CACNG3: variants seen among roughly 807,000 people sequenced by gnomAD.
CACNG3 encodes calcium voltage-gated channel auxiliary subunit gamma 3.
CACNG3 carries 3 observed loss-of-function variants against 28.5 expected under a neutral mutation model. The observed-to-expected ratio is 0.11, with a 90% CI of 0.05 to 0.27. The LOEUF (loss-of-function observed/expected upper bound fraction) is 0.27. CACNG3 is among the 10% of genes least tolerant of loss of function. CACNG3 has a pLI of 1.00. For synonymous variants in CACNG3, 174 were observed against 162.2 expected (o/e 1.07, Z -0.55); for missense variants, 236 against 414.4 (o/e 0.57, Z 3.74).
intron 1 of CACNG3, among the ~76,000 whole-genome samples, chr16:24,271,555 G>T (rs1388527907): frequency 6.6e-6 from 1 of 152,144 alleles, no homozygotes; most frequent in Non-Finnish European, 1.5e-5. Context: ...TCAGCCTGGA[G>T]ATCCAACAAG....
chr16:24,284,824 C>G (rs918966595), intron 1 of CACNG3, among the ~76,000 whole-genome samples: 2 of 152,222 alleles, frequency 1.3e-5, no homozygotes, highest in East Asian at 1.9e-4. Context: ...AGTCACTAGA[C>G]CTCGCAGATA....
At chr16:24,307,135 T>TTGTTG (rs1301788963) in intron 1 of CACNG3, among the ~76,000 whole-genome samples, 1 of 152,076 alleles carries the variant, frequency 6.6e-6, no homozygotes, top group Admixed American at 6.6e-5. Context: ...GCTGTTGTTG[T>TTGTTG]TGTTGTGTTG....
At chr16:24,316,731 G>A (rs1899357289) in intron 1 of CACNG3, among the ~76,000 whole-genome samples, 2 of 152,192 alleles carry the variant, frequency 1.3e-5, no homozygotes, top group South Asian at 4.1e-4. Flanking sequence ...CCCACCCTTG[G>A]CTCCTGGAAG....
intron 1 of CACNG3, among the ~76,000 whole-genome samples, chr16:24,336,162 T>C (rs985010120): frequency 1.3e-5 from 2 of 150,360 alleles, no homozygotes; most frequent in Admixed American, 6.6e-5. Flanking sequence ...GAGGCGGAGG[T>C]TGCAGTGAGC....
chr16:24,300,298 G>C (rs754925037), intron 1 of CACNG3, among the ~76,000 whole-genome samples: 9 of 152,074 alleles, frequency 5.9e-5, no homozygotes, highest in African/African-American at 9.7e-5. Context: ...TCTCGAATCT[G>C]TACACAGGGG....
chr16:24,328,873 A>C (rs1899595318), intron 1 of CACNG3, among the ~76,000 whole-genome samples: 1 of 152,116 alleles, frequency 6.6e-6, no homozygotes. Flanking sequence ...CACCTCTGAT[A>C]ACCTGGGATG....
intron 3 of CACNG3, among the ~76,000 whole-genome samples, chr16:24,357,990 C>T (rs1479307529): frequency 1.3e-5 from 2 of 152,168 alleles, no homozygotes; most frequent in African/African-American, 4.8e-5. Context: ...AAGGCAGAGG[C>T]TTGGGGTCTA....
chr16:24,317,648 A>AAAGGAAAAG lies in CACNG3; in HGVS notation c.212-29084_212-29083insGGAAAAGAA, dbSNP rs1491194402. On this transcript the variant is annotated intron_variant, in intron 1 of 3. Transcript: ENST00000005284. The stretch of plus-strand genomic sequence containing the variant: ...AAAGACAGACAGAAAGAAAGAAAAG[A>AAAGGAAAAG]AAAGAAAGAAAGAAAGAAAGAAAGA... 9.5e-4 allele frequency among the ~76,000 whole-genome samples: 53 copies of AAAGGAAAAG among 55,734 alleles called. 1 individual carries two copies. Among genetic ancestry groups the AAAGGAAAAG allele is most frequent in the Middle Eastern group, 8.1e-3 (1 of 124 alleles). 36.6% of individuals were successfully genotyped at this position (55,734 alleles called of 152,430 possible). A position where few individuals can be genotyped will look rare whatever the true frequency, so the allele number is the denominator to read the frequency against.
At chr16:24,351,883 G>C (rs183489533) in intron 2 of CACNG3, among the ~76,000 whole-genome samples, 1 of 138,834 alleles carries the variant, frequency 7.2e-6, no homozygotes, top group Non-Finnish European at 1.5e-5. Context: ...CGCGATCTCG[G>C]CTCACTGCAA....
intron 1 of CACNG3, among the ~76,000 whole-genome samples, chr16:24,338,374 C>T (rs1355916979): frequency 1.3e-5 from 2 of 152,160 alleles, no homozygotes; most frequent in South Asian, 2.1e-4. Flanking sequence ...GACAGAGTCT[C>T]GCTCTGTCAC....
chr16:24,322,187 G>A (rs886732877), intron 1 of CACNG3, among the ~76,000 whole-genome samples: 37 of 152,206 alleles, frequency 2.4e-4, no homozygotes, highest in African/African-American at 8.7e-4. Context: ...CCTGTGCCCC[G>A]CTGATGACTC....
At chr16:24,266,178 C>T (rs1480011809) in intron 1 of CACNG3, among the ~76,000 whole-genome samples, 1 of 152,090 alleles carries the variant, frequency 6.6e-6, no homozygotes, top group Non-Finnish European at 1.5e-5. Context: ...AGAAGAAATC[C>T]TTGGGAGCCA....
At chr16:24,279,523 T>C (rs1026377676) in intron 1 of CACNG3, among the ~76,000 whole-genome samples, 1 of 152,126 alleles carries the variant, frequency 6.6e-6, no homozygotes. Flanking sequence ...TAGGCTAGTC[T>C]TGAACTCCTG....
chr16:24,317,648 A>AAAGAAAGGAAAAGAAAGAAAG lies in CACNG3; in HGVS notation c.212-29084_212-29083insGAAAGGAAAAGAAAGAAAGAA, dbSNP rs1491194402. On this transcript the variant is annotated intron_variant, in intron 1 of 3. Coordinates refer to ENST00000005284, the MANE Select transcript of CACNG3 (RefSeq NM_006539.4). The stretch of plus-strand genomic sequence containing the variant: ...AAAGACAGACAGAAAGAAAGAAAAG[A>AAAGAAAGGAAAAGAAAGAAAG]AAAGAAAGAAAGAAAGAAAGAAAGA... 6.1e-4 allele frequency among the ~76,000 whole-genome samples: 34 copies of AAAGAAAGGAAAAGAAAGAAAG among 55,724 alleles called. 1 individual carries two copies. Among genetic ancestry groups the AAAGAAAGGAAAAGAAAGAAAG allele is most frequent in the Non-Finnish European group, 7.8e-4 (24 of 30,632 alleles). 36.6% of individuals were successfully genotyped at this position (55,724 alleles called of 152,430 possible). A position where few individuals can be genotyped will look rare whatever the true frequency, so the allele number is the denominator to read the frequency against.
intron 1 of CACNG3, among the ~76,000 whole-genome samples, chr16:24,345,783 C>T (rs929706758): frequency 3.9e-5 from 6 of 152,110 alleles, no homozygotes; most frequent in African/African-American, 1.4e-4. Flanking sequence ...AGGGGTGAAC[C>T]TCATAGCGAG....
Position 24,361,423 on chromosome 16 carries a change from A to G in CACNG3, c.508A>G (p.Lys170Glu). 1 of 1,613,166 alleles carries G rather than the reference A, an allele frequency of 6.2e-7. No individual in the cohort carries two copies. The highest frequency in any genetic ancestry group is 8.5e-7 in the Non-Finnish European group (1 of 1,179,398). The change falls in exon 4 of 4, where the codon AAA (lysine) becomes GAA (glutamate). Residue 170 changes from lysine (K) to glutamate (E), a missense_variant. By Grantham distance (56) the Lys-to-Glu change is moderately conservative. Coordinates refer to ENST00000005284, the MANE Select transcript of CACNG3 (RefSeq NM_006539.4). The surrounding 1 kb of genome is among the most constrained non-coding windows in gnomAD (Gnocchi z 6.8). ...NAGDPGQRDS[K>E]KSYSYGWSFY... is the part of the protein sequence containing the mutation. Reference sequence around the variant, plus strand: ...CGGAGACCCCGGGCAGCGTGACTCCAAAAAAAGTTACTCCTATGGTTGGTC... The same window carrying G: ...CGGAGACCCCGGGCAGCGTGACTCCGAAAAAAGTTACTCCTATGGTTGGTC...
chr16:24,304,032 T>A (rs1024442813), intron 1 of CACNG3, among the ~76,000 whole-genome samples: 1 of 152,146 alleles, frequency 6.6e-6, no homozygotes, highest in Non-Finnish European at 1.5e-5. Context: ...CCCCCATTTT[T>A]AAAAAGTAAA....
At position 24,282,406 on chromosome 16, in the gene CACNG3, C is replaced by T. The variant is rs529052037; in HGVS notation, c.211+25441C>T. On this transcript the variant is annotated intron_variant, in intron 1 of 3. Coordinates refer to ENST00000005284, the MANE Select transcript of CACNG3 (RefSeq NM_006539.4). ...ACTTGTGCGGCTTCTTCATTACTTCCTTTTTTTTTTTTTAAACGGAATCTT... is the reference window on the plus strand; with the variant it reads ...ACTTGTGCGGCTTCTTCATTACTTCTTTTTTTTTTTTTTAAACGGAATCTT... Among the ~76,000 whole-genome samples the T allele has an allele frequency of 6.2e-5, 9 of 146,144 alleles. No individual in the cohort carries two copies. In the East Asian group the frequency reaches 1.8e-3, roughly 29 times the overall value.
intron 1 of CACNG3, among the ~76,000 whole-genome samples, chr16:24,269,746 C>CAAAAAAAAAAAAAAAAAAAAAGAAAAA (rs1898660776): frequency 1.4e-5 from 1 of 71,078 alleles, no homozygotes; most frequent in Non-Finnish European, 2.9e-5. Flanking sequence ...GACTCCATCT[C>CAAAAAAAAAAAAAAAAAAAAAGAAAAA]AAAAAAAAAA....
Sources: gnomAD v4.1 joint callset for allele counts (sites outside exome capture counted in the v4.1 genomes callset) on GRCh38, gnomAD v4.1.1 for gene constraint, Gnocchi (gnomAD v3.1) non-coding constraint, MANE v1.5 for transcripts, NCBI Gene and HGNC (gene_info 2026-07-23, HGNC 2026-07-21) for gene names.